The following SLC29A3 variants were observed in gnomAD, a reference collection of about 807,000 sequenced individuals.
SLC29A3 encodes the protein solute carrier family 29 member 3, also known as equilibrative nucleoside transporter 3.
A neutral mutation model predicts 25.4 loss-of-function variants in SLC29A3; 18 were observed. That is an observed-to-expected ratio of 0.71 (90% CI 0.49 to 1.05). The LOEUF (loss-of-function observed/expected upper bound fraction) is 1.05, where lower values mean the gene tolerates loss of function less well. Ranked by LOEUF, SLC29A3 falls within the 50% of genes least tolerant of loss-of-function variation. SLC29A3 has a pLI of 0.00. For missense variants in SLC29A3, 586 were observed against 609.0 expected, an observed-to-expected ratio of 0.96 and a Z score of 0.40; for synonymous variants, 258 against 267.1, an observed-to-expected ratio of 0.97 and a Z score of 0.33.
At chr10:71,353,675 TC>T (rs1846821703) in intron 4 of SLC29A3, among the ~76,000 whole-genome samples, 1 of 152,168 alleles carries the variant, frequency 6.6e-6, no homozygotes, top group African/African-American at 2.4e-5. Flanking sequence ...AATCAAGGTG[TC>T]CCAGTCTTCC....
chr10:71,356,070 G>T lies in SLC29A3; in HGVS notation c.611-11G>T. 1 of 1,613,604 alleles carries T rather than the reference G, an allele frequency of 6.2e-7. No individual in the cohort carries two copies. On this transcript the variant is annotated splice_polypyrimidine_tract_variant and intron_variant, in intron 4 of 5. Transcript: ENST00000373189. ...CCCTCACCATCTCTGCGTGTCCTCTGTTCTCTGCAGGAGGAGCCATGGGCG... is the reference window on the plus strand; with the variant it reads ...CCCTCACCATCTCTGCGTGTCCTCTTTTCTCTGCAGGAGGAGCCATGGGCG...
intron 5 of SLC29A3, 23 bp downstream of exon 5, chr10:71,356,266 A>T (rs372710585): frequency 6.2e-7 from 1 of 1,611,104 alleles, no homozygotes; most frequent in Non-Finnish European, 8.5e-7. Flanking sequence ...CTCACTGTCC[A>T]TGCCTCCTTC....
chr10:71,375,672 G>C (rs1271948074), intron 3 of SLC29A3: 1 of 152,156 alleles, frequency 6.6e-6, no homozygotes, highest in African/African-American at 2.4e-5. Context: ...ACTCGGACGT[G>C]ACTAATATTA....
intron 3 of SLC29A3, 141 bp from the exon 4 acceptor site, chr10:71,351,421 A>G (rs1488158500): frequency 1.3e-5 from 9 of 682,530 alleles, no homozygotes; most frequent in African/African-American, 5.3e-5. Flanking sequence ...GGAAGGCAGG[A>G]TTCGAGTGCA....
chr10:71,356,010 C>A, intron 4 of SLC29A3, 71 bp from the exon 5 acceptor site: 1 of 1,557,800 alleles, frequency 6.4e-7, no homozygotes. Context: ...GAAACCCAAG[C>A]AGGGAGGGGC....
intron 2 of SLC29A3, among the ~76,000 whole-genome samples, chr10:71,328,977 T>C (rs1846049807): frequency 6.6e-6 from 1 of 152,170 alleles, no homozygotes; most frequent in Non-Finnish European, 1.5e-5. Context: ...GAGGAAGTGT[T>C]CAAAGGAAGC....
rs144183340 is a variant in SLC29A3, at chr10:71,362,153, G to A, written c.973G>A (p.Ala325Thr). Reference protein sequence around the residue: ...VFFITSLIYPAICTNIESLNK... With the variant: ...VFFITSLIYPTICTNIESLNK... ...CTTCATCACCAGCCTCATCTACCCC[G>A]CCATCTGCACCAACATCGAGTCCCT... Residue 325 changes from alanine to threonine, a missense_variant, in exon 6 of 6, where the codon GCC becomes ACC. By Grantham distance (58) the Ala-to-Thr change is moderately conservative (BLOSUM62 0). Coordinates refer to ENST00000373189, the MANE Select transcript of SLC29A3 (RefSeq NM_018344.6). 39 of 1,613,790 alleles carry A rather than the reference G, an allele frequency of 2.4e-5. No individual in the cohort carries two copies. The highest frequency in any genetic ancestry group is 3.3e-5 in the South Asian group (3 of 91,074).
intron 3 of SLC29A3, among the ~76,000 whole-genome samples, chr10:71,345,193 A>G (rs1846533913): frequency 6.6e-6 from 1 of 152,186 alleles, no homozygotes; most frequent in South Asian, 2.1e-4. Context: ...TCATGGGGAT[A>G]TTGCAGTTAT....
Position 71,322,958 on chromosome 10 carries a change from G to A in SLC29A3, c.204G>A (p.Trp68Ter). The change falls in exon 2 of 6, where the codon TGG becomes TGA. Residue 68 changes from tryptophan (W) to a stop codon, truncating the protein, a stop_gained. Coordinates refer to ENST00000373189, the MANE Select transcript of SLC29A3 (RefSeq NM_018344.6). LOFTEE classifies it high-confidence loss of function. Reference protein sequence around the residue: ...FSLGIGSLLPWNFFITAKEYW... With the variant: ...FSLGIGSLLP ...TGGGCATTGGCAGTCTACTGCCATG[G>A]AACTTCTTTATCACTGCCAAGGAGT... 1 of 1,614,178 alleles carries A rather than the reference G, an allele frequency of 6.2e-7. No individual in the cohort carries two copies. The highest frequency in any genetic ancestry group is 8.5e-7 in the Non-Finnish European group (1 of 1,180,044).
At chr10:71,329,907 G>A (rs180716447) in intron 2 of SLC29A3, among the ~76,000 whole-genome samples, 12 of 152,336 alleles carry the variant, frequency 7.9e-5, no homozygotes, top group Admixed American at 7.8e-4. Context: ...GTCAAACCTG[G>A]CAGTGAAGGG....
chr10:71,341,027 G>A (rs1240648315), intron 2 of SLC29A3, among the ~76,000 whole-genome samples: 31 of 152,192 alleles, frequency 2.0e-4, no homozygotes, highest in Non-Finnish European at 1.2e-4. Context: ...GAGCCACCAC[G>A]TTCAGAGCAG....
At chr10:71,328,087 T>A (rs987466326) in intron 2 of SLC29A3, among the ~76,000 whole-genome samples, 1 of 152,186 alleles carries the variant, frequency 6.6e-6, no homozygotes, top group African/African-American at 2.4e-5. Flanking sequence ...AGCCGCTCTC[T>A]ACACCTTCCT....
At chr10:71,380,612 C>T (rs56046799) in exon 5 of SLC29A3, 3,543 of 152,330 alleles carry the variant, frequency 0.023, 60 homozygotes, top group Middle Eastern at 0.065. Flanking sequence ...ATCCTGGTCT[C>T]CCAGTAGGTT....
chr10:71,344,284 G>C lies in SLC29A3; in HGVS notation c.376G>C (p.Val126Leu). The C allele has an allele frequency of 6.2e-7, 1 of 1,613,636 alleles. No homozygotes were observed. The highest frequency in any genetic ancestry group is 8.5e-7 in the Non-Finnish European group (1 of 1,179,638). Residue 126 changes from valine to leucine, a missense_variant, in exon 3 of 6, where the codon GTC (valine) becomes CTC (leucine). By Grantham distance (32) the Val-to-Leu change is conservative. Coordinates refer to ENST00000373189, the MANE Select transcript of SLC29A3 (RefSeq NM_018344.6). ...MLCLVANFLL[V>L]NRVAVHIRVL... The stretch of plus-strand genomic sequence containing the variant: ...GTGCCTGGTGGCCAACTTCCTGCTT[G>C]TCAACAGGTAGGCGACTCTCTTCCC...
intron 5 of SLC29A3, among the ~76,000 whole-genome samples, chr10:71,357,332 G>A (rs1420128265): frequency 6.6e-6 from 1 of 152,040 alleles, no homozygotes; most frequent in Non-Finnish European, 1.5e-5. Flanking sequence ...AGAGAATGGT[G>A]TGAACCTGGG....
chr10:71,361,099 G>A (rs1324739496), intron 5 of SLC29A3, among the ~76,000 whole-genome samples: 1 of 152,186 alleles, frequency 6.6e-6, no homozygotes, highest in African/African-American at 2.4e-5. Flanking sequence ...GTTTGTGTGT[G>A]CATGGAACAG....
At chr10:71,320,115 C>T (rs1013100966) in intron 1 of SLC29A3, among the ~76,000 whole-genome samples, 2 of 152,214 alleles carry the variant, frequency 1.3e-5, no homozygotes, top group Non-Finnish European at 2.9e-5. Context: ...TTCCTGGCTC[C>T]TTCTTCAGAA....
At chr10:71,350,321 G>GTGTGTGTT (rs1461800760) in intron 3 of SLC29A3, among the ~76,000 whole-genome samples, 1 of 141,556 alleles carries the variant, frequency 7.1e-6, no homozygotes, top group Non-Finnish European at 1.5e-5. Flanking sequence ...CTACGTGTGT[G>GTGTGTGTT]TGTGTGTGTG....
intron 4 of SLC29A3, among the ~76,000 whole-genome samples, chr10:71,378,491 G>A (rs2131861755): frequency 6.6e-6 from 1 of 152,326 alleles, no homozygotes; most frequent in East Asian, 1.9e-4. Context: ...ACAGGGAGTT[G>A]GTGGATAAAT....
Sources: gnomAD v4.1 joint callset for allele counts (sites outside exome capture counted in the v4.1 genomes callset) on GRCh38, gnomAD v4.1.1 for gene constraint, MANE v1.5 for transcripts, NCBI Gene and HGNC (gene_info 2026-07-23, HGNC 2026-07-21) for gene names.